The following PLCL1 variants were observed in gnomAD, a reference collection of about 807,000 sequenced individuals.
PLCL1 encodes phospholipase C like 1 (inactive), also known as inactive phospholipase C-like protein 1.
A neutral mutation model predicts 84.4 loss-of-function variants in PLCL1; 41 were observed. The observed-to-expected ratio is 0.49, with a 90% confidence interval of 0.38 to 0.63. The LOEUF is 0.63. Ranked by LOEUF, PLCL1 falls within the 30% of genes least tolerant of loss-of-function variation. PLCL1 has a pLI of 0.00. For missense variants in PLCL1, 1,206 were observed against 1,367.8 expected, an observed-to-expected ratio of 0.88 and a Z score of 1.87; for synonymous variants, 490 against 488.3, an observed-to-expected ratio of 1.00 and a Z score of -0.05.
At chr2:197,838,433 A>G (rs975110156) in intron 1 of PLCL1, among the ~76,000 whole-genome samples, 1 of 152,236 alleles carries the variant, frequency 6.6e-6, no homozygotes, top group Non-Finnish European at 1.5e-5. Flanking sequence ...TTAGACAGCT[A>G]TGATTTCCTC....
At chr2:198,109,911 C>G (rs1693574291) in intron 5 of PLCL1, among the ~76,000 whole-genome samples, 1 of 151,076 alleles carries the variant, frequency 6.6e-6, no homozygotes, top group African/African-American at 2.4e-5. Flanking sequence ...GGAGAAGTAT[C>G]AAGTAGAGAT....
chr2:198,016,413 G>T (rs955242135), intron 1 of PLCL1, among the ~76,000 whole-genome samples: 1 of 152,120 alleles, frequency 6.6e-6, no homozygotes, highest in Non-Finnish European at 1.5e-5. Flanking sequence ...GTCCCATGTG[G>T]CTGTCTTCCT....
chr2:197,913,010 A>G lies in PLCL1; in HGVS notation c.240+107671A>G, dbSNP rs531550638. The stretch of plus-strand genomic sequence containing the variant: ...AGCTTTCTCTTATGCTGGATCTTCA[A>G]ATTTTGGTTTGGAAAATGCCTTCTG... On this transcript the variant is annotated intron_variant, in intron 1 of 5. Coordinates refer to ENST00000428675, the MANE Select transcript of PLCL1 (RefSeq NM_006226.4). Among the ~76,000 whole-genome samples the G allele has an allele frequency of 4.6e-5, 7 of 152,302 alleles. No individual in the cohort carries two copies. In the South Asian group the frequency reaches 1.5e-3, roughly 32 times the overall value.
intron 1 of PLCL1, among the ~76,000 whole-genome samples, chr2:198,032,442 T>C (rs988125054): frequency 6.6e-6 from 1 of 152,256 alleles, no homozygotes; most frequent in African/African-American, 2.4e-5. Context: ...TGTGTGTCTT[T>C]GGCTTTCATG....
At chr2:197,853,193 G>A (rs1330969228) in intron 1 of PLCL1, among the ~76,000 whole-genome samples, 3 of 152,192 alleles carry the variant, frequency 2.0e-5, no homozygotes, top group Non-Finnish European at 2.9e-5. Context: ...GCAGGTATCA[G>A]AATTTCCTTC....
At chr2:198,056,051 G>A (rs971005034) in intron 1 of PLCL1, among the ~76,000 whole-genome samples, 3 of 152,108 alleles carry the variant, frequency 2.0e-5, no homozygotes, top group Non-Finnish European at 4.4e-5. Context: ...ACAATTTCTT[G>A]GCTTCAAATT....
intron 1 of PLCL1, among the ~76,000 whole-genome samples, chr2:197,869,947 A>AC (rs935345787): frequency 1.3e-5 from 2 of 152,148 alleles, no homozygotes; most frequent in African/African-American, 4.8e-5. Flanking sequence ...TTTCAAGCAT[A>AC]CTTTTTTTTT....
intron 1 of PLCL1, among the ~76,000 whole-genome samples, chr2:198,026,496 G>A (rs996034025): frequency 3.3e-5 from 5 of 152,166 alleles, no homozygotes. Context: ...TGAGGCTTCA[G>A]TGTTAGTGAC....
In PLCL1 at chr2:197,977,107, C is replaced by T. The variant is rs150283715; in HGVS notation, c.241-106651C>T. On this transcript the variant is annotated intron_variant, in intron 1 of 5. Transcript: ENST00000428675. The stretch of plus-strand genomic sequence containing the variant: ...TAGGTATCACCATCTGATTTCTCTC[C>T]GCCTCCTCTTGTATTACTGAGTACA... Among the ~76,000 whole-genome samples, 166 of 152,276 alleles carry T rather than the reference C, an allele frequency of 1.1e-3. 1 individual carries two copies. The highest frequency in any genetic ancestry group is 3.7e-3 in the African/African-American group (154 of 41,556).
chr2:197,968,138 T>A (rs1689785371), intron 1 of PLCL1, among the ~76,000 whole-genome samples: 1 of 152,258 alleles, frequency 6.6e-6, no homozygotes, highest in South Asian at 2.1e-4. Flanking sequence ...TGTTACATTA[T>A]GCTTTAGAAT....
chr2:197,941,975 T>C (rs1028964305), intron 1 of PLCL1, among the ~76,000 whole-genome samples: 1 of 152,138 alleles, frequency 6.6e-6, no homozygotes, highest in East Asian at 1.9e-4. Context: ...CTGGGGAGTC[T>C]CTCTGTTTCA....
chr2:198,020,559 A>C (rs964797555), intron 1 of PLCL1, among the ~76,000 whole-genome samples: 1 of 152,024 alleles, frequency 6.6e-6, no homozygotes, highest in African/African-American at 2.4e-5. Context: ...AAGCAAATGG[A>C]AAGAAAAAAA....
chr2:198,139,118 G>A (rs1694323459), intron 5 of PLCL1, among the ~76,000 whole-genome samples: 1 of 151,902 alleles, frequency 6.6e-6, no homozygotes, highest in Admixed American at 6.6e-5. Flanking sequence ...TCGCACCATT[G>A]CACTCCAGCC....
At chr2:197,972,971 G>T (rs1689901632) in intron 1 of PLCL1, among the ~76,000 whole-genome samples, 1 of 152,154 alleles carries the variant, frequency 6.6e-6, no homozygotes, top group Non-Finnish European at 1.5e-5. Flanking sequence ...ACTGACACAG[G>T]TTCTGTATCA....
chr2:197,953,838 C>G (rs574197455), intron 1 of PLCL1, among the ~76,000 whole-genome samples: 1 of 150,246 alleles, frequency 6.7e-6, no homozygotes, highest in Non-Finnish European at 1.5e-5. Context: ...AACAGTTCTT[C>G]GTGTATTCCA....
chr2:198,096,323 C>T (rs542969256), intron 3 of PLCL1, among the ~76,000 whole-genome samples: 2 of 152,310 alleles, frequency 1.3e-5, no homozygotes, highest in East Asian at 3.9e-4. Context: ...CCACCTGGTA[C>T]TCAGCAGAAT....
intron 1 of PLCL1, among the ~76,000 whole-genome samples, chr2:197,970,204 T>C (rs918405052): frequency 6.6e-6 from 1 of 152,218 alleles, no homozygotes; most frequent in African/African-American, 2.4e-5. Flanking sequence ...GCCTTCTTGC[T>C]ATGTTATCCT....
intron 1 of PLCL1, among the ~76,000 whole-genome samples, chr2:198,031,086 C>T (rs1203581999): frequency 6.6e-6 from 1 of 151,794 alleles, no homozygotes; most frequent in African/African-American, 2.4e-5. Context: ...ATAAATATTT[C>T]CTGGCCAGGC....
chr2:197,966,976 T>G (rs1689756226), intron 1 of PLCL1, among the ~76,000 whole-genome samples: 1 of 149,644 alleles, frequency 6.7e-6, no homozygotes. Context: ...TCATCCATAC[T>G]AATTTTTTTT....
Sources: gnomAD v4.1 joint callset for allele counts (sites outside exome capture counted in the v4.1 genomes callset) on GRCh38, gnomAD v4.1.1 for gene constraint, MANE v1.5 for transcripts, NCBI Gene and HGNC (gene_info 2026-07-23, HGNC 2026-07-21) for gene names.